DRAM1: variants seen among roughly 807,000 people sequenced by gnomAD.
DRAM1 encodes DNA damage-regulated autophagy modulator protein 1.
In DRAM1, 25 loss-of-function variants were observed where a neutral mutation model predicts 28.5. The ratio of observed to expected loss-of-function variants is 0.88; its 90% confidence interval spans 0.64 to 1.23. The LOEUF is 1.23. DRAM1 is among the 50% of genes most tolerant of loss of function. The pLI is 0.00. For missense variants in DRAM1, 249 were observed against 299.2 expected, an observed-to-expected ratio of 0.83 and a Z score of 1.24; for synonymous variants, 113 against 114.2, an observed-to-expected ratio of 0.99 and a Z score of 0.07.
intron 1 of DRAM1, among the ~76,000 whole-genome samples, chr12:101,894,242 T>G (rs1194367738): frequency 6.6e-6 from 1 of 152,086 alleles, no homozygotes; most frequent in African/African-American, 2.4e-5. Flanking sequence ...CTCAGCCTCC[T>G]GAGTAGCTGG....
chr12:101,896,490 A>G (rs1873379012), intron 1 of DRAM1, among the ~76,000 whole-genome samples: 1 of 152,066 alleles, frequency 6.6e-6, no homozygotes, highest in African/African-American at 2.4e-5. Context: ...TTGGCCAGAC[A>G]TGGTGGCTTA....
chr12:101,915,070 C>T (rs1477261796), intron 5 of DRAM1, among the ~76,000 whole-genome samples: 1 of 151,874 alleles, frequency 6.6e-6, no homozygotes, highest in African/African-American at 2.4e-5. Flanking sequence ...AGCTCTGCCT[C>T]CCGGGTTCAT....
intron 1 of DRAM1, among the ~76,000 whole-genome samples, chr12:101,882,739 G>C (rs1872733600): frequency 6.6e-6 from 1 of 150,668 alleles, no homozygotes; most frequent in Non-Finnish European, 1.5e-5. Flanking sequence ...TTGCTTACAG[G>C]AACGTGAATT....
At chr12:101,886,965 G>A (rs1001935711) in intron 1 of DRAM1, among the ~76,000 whole-genome samples, 12 of 152,030 alleles carry the variant, frequency 7.9e-5, no homozygotes, top group Non-Finnish European at 1.6e-4. Context: ...GGCCAACATG[G>A]TGAAACCCCT....
chr12:101,916,476 G>T (rs1036516106), intron 5 of DRAM1, among the ~76,000 whole-genome samples: 14 of 152,176 alleles, frequency 9.2e-5, no homozygotes, highest in Non-Finnish European at 2.1e-4. Context: ...AGAGTGTAGG[G>T]TAGAGTTGTT....
chr12:101,903,941 A>ACACACG (rs1314731324), intron 3 of DRAM1, among the ~76,000 whole-genome samples: 3 of 145,532 alleles, frequency 2.1e-5, no homozygotes. Context: ...ACACACACAC[A>ACACACG]CACACACACA....
At chr12:101,911,243 G>A (rs569162606) in intron 4 of DRAM1, among the ~76,000 whole-genome samples, 13 of 152,202 alleles carry the variant, frequency 8.5e-5, no homozygotes, top group African/African-American at 3.1e-4. Context: ...TCAAAAAAAA[G>A]AGTTGAAAGC....
At chr12:101,908,446 A>G in intron 4 of DRAM1, 83 bp downstream of exon 4, 2 of 1,396,590 alleles carry the variant, frequency 1.4e-6, no homozygotes, top group Non-Finnish European at 2.0e-6. Flanking sequence ...AAGACTTTAT[A>G]GGGACCGCTG....
intron 5 of DRAM1, 25 bp from the exon 6 acceptor site, chr12:101,920,084 T>C (rs1328856548): frequency 6.5e-7 from 1 of 1,527,114 alleles, no homozygotes; most frequent in Non-Finnish European, 8.9e-7. Context: ...TTCGGCTAAA[T>C]TCTGTTTCTT....
Position 101,920,812 on chromosome 12 carries a change from G to A in DRAM1, c.673-404G>A, listed in dbSNP as rs1244854066. ...TGTATTCCCAGCTACTCAGGAGGCT[G>A]AGGCAGGAGAATCACTTGAACCCGG... On this transcript the variant is annotated intron_variant, in intron 6 of 6. Transcript: ENST00000258534. Among the ~76,000 whole-genome samples the A allele has an allele frequency of 2.6e-5, 4 of 152,258 alleles. No individual in the cohort carries two copies. The East Asian group carries it at 7.7e-4, about 29-fold the overall frequency.
In DRAM1 at chr12:101,897,918, T is replaced by G. The variant is rs772368807; in HGVS notation, c.187T>G (p.Ser63Ala). Residue 63 changes from serine (S) to alanine (A), a missense_variant, in exon 2 of 7, where the codon TCT becomes GCT. Around this residue, in one of 3 missense-constraint regions of DRAM1, gnomAD observed 218 missense variants for 243.1 expected, o/e 0.90. Coordinates refer to ENST00000258534, the MANE Select transcript of DRAM1 (RefSeq NM_018370.3). ...SGIFGFMINF[S>A]AFLGAATMYT... ...TATTTTTGGATTTATGATAAACTTCTCTGCATTTCTTGGTAAGTACACAAT... is the reference window on the plus strand; with the variant it reads ...TATTTTTGGATTTATGATAAACTTCGCTGCATTTCTTGGTAAGTACACAAT... 40 of 1,599,756 alleles carry G rather than the reference T, an allele frequency of 2.5e-5. No individual in the cohort carries two copies. Among genetic ancestry groups the G allele is most frequent in the Non-Finnish European group, 2.9e-5 (34 of 1,167,586 alleles).
At chr12:101,883,540 T>C (rs1872766157) in intron 1 of DRAM1, among the ~76,000 whole-genome samples, 1 of 151,380 alleles carries the variant, frequency 6.6e-6, no homozygotes, top group Non-Finnish European at 1.5e-5. Flanking sequence ...GGTCTCGATC[T>C]CCTGACTTCA....
intron 1 of DRAM1, among the ~76,000 whole-genome samples, chr12:101,879,887 G>T (rs1400389322): frequency 6.6e-6 from 1 of 151,878 alleles, no homozygotes; most frequent in Non-Finnish European, 1.5e-5. Flanking sequence ...CCAGCTACTC[G>T]GGAGGCTGAG....
chr12:101,901,501 A>G (rs1873604498), intron 3 of DRAM1, 68 bp downstream of exon 3: 1 of 1,544,722 alleles, frequency 6.5e-7, no homozygotes. Flanking sequence ...AGCAGCAGAA[A>G]TGCAAGAGGC....
At chr12:101,878,283 T>A (rs111877381) in intron 1 of DRAM1, among the ~76,000 whole-genome samples, 64 of 152,276 alleles carry the variant, frequency 4.2e-4, no homozygotes, top group African/African-American at 1.4e-3. Context: ...TAGATCCAGG[T>A]ATATGCTAAA....
At chr12:101,896,300 C>T (rs1873370882) in intron 1 of DRAM1, among the ~76,000 whole-genome samples, 1 of 152,270 alleles carries the variant, frequency 6.6e-6, no homozygotes, top group Admixed American at 6.5e-5. Flanking sequence ...CTTACAAGTG[C>T]ATCATTTTCA....
Position 101,908,281 on chromosome 12 carries a change from A to G in DRAM1, c.438A>G (p.Lys146=). ...YTLLQSIISY[K]SCPQWNSLST... is the part of the protein sequence containing the mutation. ...TCCTACAGTCCATCATCTCTTACAA[A>G]TCATGTCCCCAGTGGAACAGTCTCT... The change falls in exon 4 of 7, where the codon AAA becomes AAG. Residue 146 remains lysine, a synonymous_variant. Coordinates refer to ENST00000258534, the MANE Select transcript of DRAM1 (RefSeq NM_018370.3). The G allele has an allele frequency of 1.2e-6, 2 of 1,614,064 alleles. No individual in the cohort carries two copies. The highest frequency in any genetic ancestry group is 2.7e-5 in the African/African-American group (2 of 75,020).
Position 101,921,482 on chromosome 12 carries a change from C to A in DRAM1, c.*222C>A. 1 of 369,074 alleles carries A rather than the reference C, an allele frequency of 2.7e-6. No individual in the cohort carries two copies. The highest frequency in any genetic ancestry group is 9.1e-5 in the South Asian group (1 of 11,014). The allele number at this position is 369,074 out of a possible 1,614,324, so 22.9% of individuals were successfully genotyped here. ...ACTGTAGTGATGTTTTTATAATTTT[C>A]TAAGTAGATTTTTTTATATTAACAA... On this transcript the variant is annotated 3_prime_UTR_variant, in exon 7 of 7. Coordinates refer to ENST00000258534, the MANE Select transcript of DRAM1 (RefSeq NM_018370.3).
Position 101,901,272 on chromosome 12 carries a change from A to G in DRAM1, c.200-19A>G. On this transcript the variant is annotated intron_variant, in intron 2 of 6. Coordinates refer to ENST00000258534, the MANE Select transcript of DRAM1 (RefSeq NM_018370.3). ...GACATCAAATTATGAACATTCATCA[A>G]AGTTCTCTTCTTTTTCAGGTGCAGC... The G allele has an allele frequency of 6.2e-7, 1 of 1,604,094 alleles. No homozygotes were observed.
Sources: gnomAD v4.1 joint callset for allele counts (sites outside exome capture counted in the v4.1 genomes callset) on GRCh38, gnomAD v4.1.1 for gene constraint, gnomAD v4.1.1 regional missense constraint, MANE v1.5 for transcripts, NCBI Gene and HGNC (gene_info 2026-07-23, HGNC 2026-07-21) for gene names.